ANKS1A: variants seen among roughly 807,000 people sequenced by gnomAD.
ANKS1A encodes ankyrin repeat and sterile alpha motif domain containing 1A.
A neutral mutation model predicts 120.3 loss-of-function variants in ANKS1A; 55 were observed. That is an observed-to-expected ratio of 0.46 (90% CI 0.37 to 0.57). ANKS1A has a LOEUF of 0.57. Ranked by LOEUF, ANKS1A falls within the 20% of genes least tolerant of loss-of-function variation. The pLI is 0.00. For synonymous variants in ANKS1A, 590 were observed against 604.7 expected (o/e 0.98, Z 0.36); for missense variants, 1,123 against 1,480.3 (o/e 0.76, Z 3.96).
In ANKS1A at chr6:35,017,615, C is replaced by CGCT. The variant is rs780654948; in HGVS notation, c.1568_1570dup (p.Ala523dup). The stretch of plus-strand genomic sequence containing the variant: ...AGGACCCTTTCCAGCTGCTCTGTAC[C>CGCT]GCTGGCCAGAGCCATCCAGACGGGT... On this transcript the variant is annotated inframe_insertion, in exon 11 of 24. Coordinates refer to ENST00000360359, the MANE Select transcript of ANKS1A (RefSeq NM_015245.3). The CGCT allele has an allele frequency of 6.2e-7, 1 of 1,613,852 alleles. No homozygotes were observed. The highest frequency in any genetic ancestry group is 1.1e-5 in the South Asian group (1 of 91,070).
At position 35,079,549 on chromosome 6, in the gene ANKS1A, C is replaced by G. The variant is rs565711217; in HGVS notation, c.2317C>G (p.Pro773Ala). 1.2e-6 allele frequency: 2 copies of G among 1,613,810 alleles called. No individual in the cohort carries two copies. The highest frequency in any genetic ancestry group is 2.2e-5 in the East Asian group (1 of 44,870). Reference sequence around the variant, plus strand: ...TCTGGGTTATGACGGGAACAGCCCCCCTAGCGTGCCCTCCTGGCTGGACTC... The same window carrying G: ...TCTGGGTTATGACGGGAACAGCCCCGCTAGCGTGCCCTCCTGGCTGGACTC... ...KALGYDGNSP[P>A]SVPSWLDSLG... Residue 773 changes from proline to alanine, a missense_variant, in exon 15 of 24, where the codon CCT becomes GCT. Physicochemically the swap from Pro to Ala is conservative, Grantham distance 27. Coordinates refer to ENST00000360359, the MANE Select transcript of ANKS1A (RefSeq NM_015245.3).
At chr6:35,095,333 G>C (rs958218571), downstream of ANKS1A, among the ~76,000 whole-genome samples, 9 of 151,954 alleles carry the variant, frequency 5.9e-5, no homozygotes, top group African/African-American at 9.7e-5. Context: ...AGCACTTTGG[G>C]AGGCTGAGAC....
chr6:35,097,328 G>A, the ANKS1A span, among the ~76,000 whole-genome samples: 1 of 151,984 alleles, frequency 6.6e-6, no homozygotes, highest in East Asian at 1.9e-4. Flanking sequence ...GGCCAACATG[G>A]TGAAACCCTA....
At chr6:34,913,228 C>T (rs1561843828) in intron 1 of ANKS1A, among the ~76,000 whole-genome samples, 1 of 152,184 alleles carries the variant, frequency 6.6e-6, no homozygotes, top group Non-Finnish European at 1.5e-5. Context: ...GAGAAATGAA[C>T]AGACTTCAGG....
intron 16 of ANKS1A, 123 bp from the exon 17 acceptor site, chr6:35,080,871 C>G (rs781688752): frequency 8.9e-6 from 11 of 1,235,582 alleles, no homozygotes; most frequent in Admixed American, 2.2e-5. Flanking sequence ...TTGGCCCCTT[C>G]GCTCCCTGCT....
At chr6:34,988,779 A>G (rs372147357) in intron 8 of ANKS1A, among the ~76,000 whole-genome samples, 3 of 152,316 alleles carry the variant, frequency 2.0e-5, no homozygotes, top group African/African-American at 7.2e-5. Context: ...TACTTTCCTC[A>G]TTACTTCCTC....
intron 1 of ANKS1A, among the ~76,000 whole-genome samples, chr6:34,907,654 A>G (rs1355770068): frequency 1.3e-5 from 2 of 152,150 alleles, no homozygotes; most frequent in Non-Finnish European, 2.9e-5. Flanking sequence ...GCTCTGTGCT[A>G]TCTTTGCAAC....
rs749616806 is a variant in ANKS1A, at chr6:34,983,444, A to G, written c.1012+19A>G. ...TCTCAGGGTAAGGTAACTCTCCCCT[A>G]TGAGTAAAGGGGTGCTCAGCTTGAA... On this transcript the variant is annotated intron_variant, in intron 7 of 23. Coordinates refer to ENST00000360359, the MANE Select transcript of ANKS1A (RefSeq NM_015245.3). The G allele has an allele frequency of 5.7e-6, 9 of 1,578,416 alleles. No individual in the cohort carries two copies. Among genetic ancestry groups the G allele is most frequent in the South Asian group, 1.1e-5 (1 of 88,648 alleles).
At chr6:34,905,096 C>A (rs902087116) in intron 1 of ANKS1A, among the ~76,000 whole-genome samples, 4 of 152,214 alleles carry the variant, frequency 2.6e-5, no homozygotes, top group Non-Finnish European at 2.9e-5. Context: ...TAGGCGGGAG[C>A]CACTGTGCCC....
chr6:35,029,550 T>C (rs1169852356), intron 11 of ANKS1A, among the ~76,000 whole-genome samples: 1 of 151,596 alleles, frequency 6.6e-6, no homozygotes, highest in East Asian at 1.9e-4. Context: ...GGTTTCACCA[T>C]ATTAGGCCAG....
At chr6:34,956,540 G>A (rs1288724227) in intron 1 of ANKS1A, among the ~76,000 whole-genome samples, 1 of 152,118 alleles carries the variant, frequency 6.6e-6, no homozygotes, top group East Asian at 1.9e-4. Flanking sequence ...TTATGGGATA[G>A]GAGCCCCTCC....
Position 35,086,140 on chromosome 6 carries a change from CTCCTGTT to C in ANKS1A, c.3303+208_3303+214del. The stretch of plus-strand genomic sequence containing the variant: ...CTCTGGCCTGGGCGGGCCTCTCATG[CTCCTGTT>C]TCCCTCCCTCGCTGGGCTCCCCCAA... On this transcript the variant is annotated intron_variant, in intron 22 of 23. Coordinates refer to ENST00000360359, the MANE Select transcript of ANKS1A (RefSeq NM_015245.3). This position sits in a 1 kb window ranked among gnomAD's most constrained non-coding sequence, Gnocchi z 5.1. The C allele has an allele frequency of 8.5e-7, 1 of 1,176,958 alleles. No homozygotes were observed. The highest frequency in any genetic ancestry group is 1.2e-6 in the Non-Finnish European group (1 of 851,134). 72.9% of individuals were successfully genotyped at this position (1,176,958 alleles called of 1,614,324 possible). A position where few individuals can be genotyped will look rare whatever the true frequency, so the allele number is the denominator to read the frequency against.
At position 34,979,660 on chromosome 6, in the gene ANKS1A, T is replaced by C. The variant is rs559422036; in HGVS notation, c.436-2030T>C. ...TTCTTTAGCCCTAATGGCATACTTT[T>C]TATAAAATCAAGGACAATTTATTCT... On this transcript the variant is annotated intron_variant, in intron 3 of 23. Coordinates refer to ENST00000360359, the MANE Select transcript of ANKS1A (RefSeq NM_015245.3). Among the ~76,000 whole-genome samples, 19 of 152,316 alleles carry C rather than the reference T, an allele frequency of 1.2e-4. No homozygotes were observed. In the South Asian group the frequency reaches 2.5e-3, roughly 20 times the overall value.
downstream of ANKS1A, among the ~76,000 whole-genome samples, chr6:35,094,227 A>T (rs963418376): frequency 6.6e-6 from 1 of 152,244 alleles, no homozygotes; most frequent in Admixed American, 6.5e-5. Flanking sequence ...ATCACTTATC[A>T]TACCAATATC....
intron 11 of ANKS1A, among the ~76,000 whole-genome samples, chr6:35,043,747 C>T (rs765339143): frequency 3.9e-5 from 6 of 152,164 alleles, no homozygotes; most frequent in Non-Finnish European, 8.8e-5. Flanking sequence ...TGGATCTGGG[C>T]CCTTTCTTCC....
intron 1 of ANKS1A, among the ~76,000 whole-genome samples, chr6:34,928,647 T>C (rs931350309): frequency 1.3e-5 from 2 of 152,152 alleles, no homozygotes; most frequent in African/African-American, 4.8e-5. Flanking sequence ...AGTGTTACTC[T>C]GTTTTGCAGA....
intron 1 of ANKS1A, among the ~76,000 whole-genome samples, chr6:34,938,071 A>G (rs933508979): frequency 2.6e-5 from 4 of 152,134 alleles, no homozygotes; most frequent in Admixed American, 2.6e-4. Context: ...CCTTCCATCT[A>G]AGCTGGGAAA....
chr6:35,072,097 G>A (rs1777113259), intron 13 of ANKS1A, among the ~76,000 whole-genome samples: 1 of 152,264 alleles, frequency 6.6e-6, no homozygotes, highest in South Asian at 2.1e-4. Flanking sequence ...CACGTGAGAT[G>A]CCTTTCAAGA....
intron 2 of ANKS1A, among the ~76,000 whole-genome samples, chr6:34,968,309 A>G (rs1245929927): frequency 6.6e-6 from 1 of 152,184 alleles, no homozygotes. Context: ...AGGGGCAGGC[A>G]TTGTCGGGGA....
Sources: allele counts gnomAD v4.1 joint callset (sites outside exome capture counted in the v4.1 genomes callset), GRCh38; gene constraint gnomAD v4.1.1; non-coding constraint Gnocchi (gnomAD v3.1); transcripts MANE v1.5; gene names NCBI Gene and HGNC (gene_info 2026-07-23, HGNC 2026-07-21).